Variants in TSGA10 observed in about 807,000 individuals in gnomAD.
TSGA10 encodes the protein testis specific 10.
TSGA10 carries 43 observed loss-of-function variants against 96.6 expected under a neutral mutation model. The ratio of observed to expected loss-of-function variants is 0.44; its 90% CI spans 0.35 to 0.57. TSGA10 has a LOEUF of 0.57. Ranked by LOEUF, TSGA10 falls within the 20% of genes least tolerant of loss-of-function variation. The pLI is 0.01. For missense variants in TSGA10, 703 were observed against 834.4 expected (o/e 0.84, Z 1.94); for synonymous variants, 229 against 269.9 (o/e 0.85, Z 1.48).
chr2:99,140,057 T>C (rs2093473826), intron 1 of TSGA10, among the ~76,000 whole-genome samples: 1 of 152,236 alleles, frequency 6.6e-6, no homozygotes, highest in African/African-American at 2.4e-5. Context: ...TATTCTGGGC[T>C]ACAGGCAGTG....
At chr2:99,127,873 AATTTC>A (rs900182202) in intron 1 of TSGA10, among the ~76,000 whole-genome samples, 4 of 152,222 alleles carry the variant, frequency 2.6e-5, no homozygotes, top group African/African-American at 9.6e-5. Context: ...CTGTTCAAAT[AATTTC>A]ATTTCTAGAA....
chr2:99,016,693 C>T (rs768468020), intron 20 of TSGA10, among the ~76,000 whole-genome samples: 14 of 152,188 alleles, frequency 9.2e-5, no homozygotes, highest in Non-Finnish European at 1.6e-4. Context: ...AAATAATCAG[C>T]AGAGTAAACA....
chr2:99,102,586 A>G, intron 10 of TSGA10: 1 of 1,614,094 alleles, frequency 6.2e-7, no homozygotes, highest in Non-Finnish European at 8.5e-7. Flanking sequence ...ATGATTATGG[A>G]ACTTGCTGTA....
intron 9 of TSGA10, 114 bp from the exon 10 acceptor site, chr2:99,104,232 A>C (rs1007022072): frequency 8.0e-7 from 1 of 1,254,040 alleles, no homozygotes; most frequent in East Asian, 2.3e-5. Context: ...ACAGGATGAG[A>C]TTATCAGGTT....
At chr2:99,008,491 A>G (rs962789200) in intron 20 of TSGA10, among the ~76,000 whole-genome samples, 3 of 152,240 alleles carry the variant, frequency 2.0e-5, no homozygotes, top group Non-Finnish European at 4.4e-5. Context: ...ACACTGAAAT[A>G]CCATTTCTCA....
In TSGA10 at chr2:99,144,938, T is replaced by C. The variant is rs533441301; in HGVS notation, c.-621+9755A>G. ...AAGGCAAAGAGACAGGAGAGAGTGCTTGCTAGTAGAGTTGTTTGCTACGGC... is the reference window on the plus strand; with the variant it reads ...AAGGCAAAGAGACAGGAGAGAGTGCCTGCTAGTAGAGTTGTTTGCTACGGC... On this transcript the variant is annotated intron_variant, in intron 1 of 20. Transcript: ENST00000393483. 1.9e-3 allele frequency among the ~76,000 whole-genome samples: 296 copies of C among 152,280 alleles called. 1 individual carries two copies. Among genetic ancestry groups the C allele is most frequent in the Non-Finnish European group, 3.5e-3 (238 of 68,012 alleles).
Position 98,997,814 on chromosome 2 carries a change from A to G in TSGA10, c.*383T>C, listed in dbSNP as rs2077582033. 1 of 160,818 alleles carries G rather than the reference A, an allele frequency of 6.2e-6. No individual in the cohort carries two copies. The highest frequency in any genetic ancestry group is 2.4e-5 in the African/African-American group (1 of 41,886). The allele number at this position is 160,818 out of a possible 1,614,324, so 10.0% of individuals were successfully genotyped here. On this transcript the variant is annotated 3_prime_UTR_variant, in exon 21 of 21. Coordinates refer to ENST00000393483, the MANE Select transcript of TSGA10 (RefSeq NM_025244.4). ...TTCCAGCCATGAAAACACAAATCAC[A>G]AAGAAAAAAAATTAACCAACCAATT...
chr2:99,023,205 G>T (rs2080206175), intron 17 of TSGA10, among the ~76,000 whole-genome samples: 1 of 152,012 alleles, frequency 6.6e-6, no homozygotes, highest in African/African-American at 2.4e-5. Flanking sequence ...TTGCCATGTT[G>T]CCCAGGCTGG....
At chr2:99,022,846 T>C (rs907325507) in intron 17 of TSGA10, among the ~76,000 whole-genome samples, 1 of 152,216 alleles carries the variant, frequency 6.6e-6, no homozygotes, top group Non-Finnish European at 1.5e-5. Context: ...TTTGTCAACA[T>C]TTTTTATCTT....
intron 10 of TSGA10, among the ~76,000 whole-genome samples, chr2:99,087,004 A>G (rs760537753): frequency 2.1e-4 from 32 of 151,974 alleles, no homozygotes; most frequent in Non-Finnish European, 4.4e-4. Flanking sequence ...GGAGATTGAG[A>G]CCATCCTGGC....
At chr2:99,071,606 C>T in intron 14 of TSGA10, 100 bp downstream of exon 14, 1 of 1,108,924 alleles carries the variant, frequency 9.0e-7, no homozygotes, top group African/African-American at 1.6e-5. Context: ...AAGGCTAGTT[C>T]CAGTGTCTGA....
rs1053393480 is a variant in TSGA10 at position 99,109,562 on chromosome 2, C to T, written c.-73-50G>A. The T allele has an allele frequency of 2.9e-6, 4 of 1,395,390 alleles. No individual in the cohort carries two copies. The Admixed American group carries it at 9.9e-5, about 35-fold the overall frequency. 86.4% of individuals were successfully genotyped at this position (1,395,390 alleles called of 1,614,324 possible). On this transcript the variant is annotated intron_variant, in intron 5 of 20. Coordinates refer to ENST00000393483, the MANE Select transcript of TSGA10 (RefSeq NM_025244.4). Reference sequence around the variant, plus strand: ...TTTTCAGTATCTAAAATTATCTTGCCAAAGAGGAAAAAATTAGACCATTAT... The same window carrying T: ...TTTTCAGTATCTAAAATTATCTTGCTAAAGAGGAAAAAATTAGACCATTAT...
At chr2:99,040,572 A>T (rs2082092379) in intron 16 of TSGA10, among the ~76,000 whole-genome samples, 1 of 152,178 alleles carries the variant, frequency 6.6e-6, no homozygotes, top group Admixed American at 6.5e-5. Flanking sequence ...GAGGTGAAAG[A>T]GCTCTACAAG....
intron 17 of TSGA10, among the ~76,000 whole-genome samples, chr2:99,026,920 G>A (rs192305605): frequency 7.6e-4 from 116 of 152,304 alleles, no homozygotes; most frequent in Non-Finnish European, 1.3e-3. Flanking sequence ...GACAGCAGTC[G>A]GGGTGGGGAT....
chr2:99,035,460 ATATG>A, intron 16 of TSGA10, 21 bp from the exon 17 acceptor site: 12 of 1,496,126 alleles, frequency 8.0e-6, no homozygotes, highest in Non-Finnish European at 1.1e-5. Flanking sequence ...AAAATTATAT[ATATG>A]TATGTATACA....
chr2:99,052,978 T>A (rs2083563913), intron 16 of TSGA10, among the ~76,000 whole-genome samples: 1 of 151,212 alleles, frequency 6.6e-6, no homozygotes, highest in African/African-American at 2.4e-5. Context: ...AGGGGAATAG[T>A]TTGAGCCCGA....
intron 17 of TSGA10, 30 bp downstream of exon 17, chr2:99,035,200 T>C (rs1280277577): frequency 4.6e-6 from 7 of 1,505,592 alleles, no homozygotes; most frequent in Admixed American, 2.0e-5. Flanking sequence ...GTAATAGCAA[T>C]TTTAAAGATT....
intron 16 of TSGA10, among the ~76,000 whole-genome samples, chr2:99,063,123 T>A (rs1318231750): frequency 2.0e-5 from 3 of 152,222 alleles, no homozygotes; most frequent in African/African-American, 7.2e-5. Flanking sequence ...ACTTGACTTA[T>A]ATTTCAGAGA....
rs576398093 is a variant in TSGA10 at position 99,070,081 on chromosome 2, C to G, written c.1108-1083G>C. Among the ~76,000 whole-genome samples the G allele has an allele frequency of 6.9e-4, 105 of 152,010 alleles. 1 individual carries two copies. Among genetic ancestry groups the G allele is most frequent in the South Asian group, 4.4e-3 (21 of 4,816 alleles). ...TTCTACCTTGGGCCTATGACCATAA[C>G]GAAGAAAAAACTACTTTTGAGCATA... is the stretch of plus-strand genomic sequence containing the variant. On this transcript the variant is annotated intron_variant, in intron 14 of 20. Coordinates refer to ENST00000393483, the MANE Select transcript of TSGA10 (RefSeq NM_025244.4).
Sources: allele counts gnomAD v4.1 joint callset (sites outside exome capture counted in the v4.1 genomes callset), GRCh38; gene constraint gnomAD v4.1.1; transcripts MANE v1.5; gene names NCBI Gene and HGNC (gene_info 2026-07-23, HGNC 2026-07-21).